Variants in ULK4 observed in about 807,000 individuals in gnomAD.
ULK4 encodes the protein unc-51 like kinase 4, also known as inactive serine/threonine-protein kinase ULK4.
ULK4 carries 133 observed loss-of-function variants against 160.6 expected under a neutral mutation model. That is an observed-to-expected ratio of 0.83 (90% CI 0.72 to 0.96). The LOEUF is 0.96. ULK4 is among the 40% of genes least tolerant of loss of function. The pLI is 0.00. For missense variants in ULK4, 1,580 were observed against 1,499.5 expected, an observed-to-expected ratio of 1.05 and a Z score of -0.89; for synonymous variants, 534 against 539.8, an observed-to-expected ratio of 0.99 and a Z score of 0.15.
intron 31 of ULK4, among the ~76,000 whole-genome samples, chr3:41,580,539 ACT>A (rs1327047537): frequency 6.6e-6 from 1 of 152,098 alleles, no homozygotes; most frequent in Admixed American, 6.5e-5. Context: ...AACAGCAACG[ACT>A]CTGAACCACG....
intron 5 of ULK4, among the ~76,000 whole-genome samples, chr3:41,931,514 A>G (rs959177096): frequency 3.6e-4 from 55 of 151,520 alleles, no homozygotes; most frequent in Admixed American, 1.2e-3. Context: ...CAACTGCAGA[A>G]TATCATTCAC....
At chr3:41,609,961 G>A (rs1328829268) in intron 31 of ULK4, among the ~76,000 whole-genome samples, 1 of 149,414 alleles carries the variant, frequency 6.7e-6, no homozygotes, top group East Asian at 2.0e-4. Flanking sequence ...GTGACAGAGT[G>A]AGACCTCATC....
At chr3:41,648,450 T>C (rs999704188) in intron 30 of ULK4, among the ~76,000 whole-genome samples, 1 of 152,194 alleles carries the variant, frequency 6.6e-6, no homozygotes, top group Non-Finnish European at 1.5e-5. Flanking sequence ...CTTAGGACAA[T>C]GTTAGTCATT....
intron 32 of ULK4, among the ~76,000 whole-genome samples, chr3:41,470,719 T>C (rs1489272523): frequency 1.3e-5 from 2 of 152,024 alleles, no homozygotes; most frequent in East Asian, 1.9e-4. Flanking sequence ...AAACATAAAA[T>C]GAAGGGCAAT....
intron 35 of ULK4, among the ~76,000 whole-genome samples, chr3:41,307,707 A>G (rs914582674): frequency 1.4e-4 from 22 of 152,268 alleles, no homozygotes; most frequent in African/African-American, 5.1e-4. Flanking sequence ...GCAAGAGCCT[A>G]TAGTCCTAGC....
At chr3:41,348,206 CAAAAAAAAAAAAA>C (rs1197234650) in intron 35 of ULK4, among the ~76,000 whole-genome samples, 4 of 22,958 alleles carry the variant, frequency 1.7e-4, no homozygotes, top group Non-Finnish European at 2.6e-4. Flanking sequence ...AACTCTGTCT[CAAAAAAAAAAAAA>C]AAAAAAAAAA....
At position 41,826,257 on chromosome 3, in the gene ULK4, G is replaced by A. The variant is rs1027373779; in HGVS notation, c.1765-6751C>T. ...AGGAAGAAACTGAATCAACTAACGA[G>A]CAAAATAACCAGCTAACATCATAAT... On this transcript the variant is annotated intron_variant, in intron 18 of 36. Transcript: ENST00000301831. 2.3e-4 allele frequency among the ~76,000 whole-genome samples: 35 copies of A among 152,078 alleles called. 3 individuals are homozygous for A. Among genetic ancestry groups the A allele is most frequent in the Non-Finnish European group, 2.9e-5 (2 of 68,026 alleles).
intron 29 of ULK4, among the ~76,000 whole-genome samples, chr3:41,679,238 G>A (rs952313696): frequency 6.6e-6 from 1 of 152,120 alleles, no homozygotes; most frequent in African/African-American, 2.4e-5. Context: ...CAGTCACGGT[G>A]CTAAACACTT....
At position 41,754,487 on chromosome 3, in the gene ULK4, C is replaced by T. The variant is rs553601733; in HGVS notation, c.2195G>A (p.Gly732Asp). The T allele has an allele frequency of 3.7e-6, 6 of 1,608,954 alleles. No homozygotes were observed. Among genetic ancestry groups the T allele is most frequent in the African/African-American group, 1.3e-5 (1 of 74,546 alleles). The change falls in exon 22 of 37, where the codon GGT (glycine) becomes GAT (aspartate). Residue 732 changes from glycine (G) to aspartate (D), a missense_variant and splice_region_variant. Coordinates refer to ENST00000301831, the MANE Select transcript of ULK4 (RefSeq NM_017886.4). Reference protein sequence around the residue: ...IHLQRLIQEKGFVSTIIRLLD... With the variant: ...IHLQRLIQEKDFVSTIIRLLD... ...TAAACGGATAATTGTGGAGACAAAA[C>T]CCTGTAGAAGACATTTAAACAATTT...
chr3:41,265,960 C>T (rs1448886315), intron 35 of ULK4, among the ~76,000 whole-genome samples: 1 of 152,168 alleles, frequency 6.6e-6, no homozygotes, highest in Non-Finnish European at 1.5e-5. Flanking sequence ...GGTCCACACA[C>T]CCCCTGCTCT....
chr3:41,658,758 C>CACAT lies in ULK4; in HGVS notation c.3071+4848_3071+4849insATGT, dbSNP rs1293922594. Reference sequence around the variant, plus strand: ...ACACACACACACACACACACACACACATATATACTGGCAGCAGTGGTTCTC... The same window carrying CACAT: ...ACACACACACACACACACACACACACACATATATATACTGGCAGCAGTGGTTCTC... On this transcript the variant is annotated intron_variant, in intron 30 of 36. Coordinates refer to ENST00000301831, the MANE Select transcript of ULK4 (RefSeq NM_017886.4). Among the ~76,000 whole-genome samples the CACAT allele has an allele frequency of 8.6e-5, 13 of 151,610 alleles. No individual in the cohort carries two copies. In the East Asian group the frequency reaches 1.9e-3, roughly 23 times the overall value.
At chr3:41,537,784 G>A (rs1479735764) in intron 32 of ULK4, among the ~76,000 whole-genome samples, 1 of 152,124 alleles carries the variant, frequency 6.6e-6, no homozygotes, top group African/African-American at 2.4e-5. Context: ...AGGCTTAGGG[G>A]TTAGCAGTTT....
At chr3:41,721,242 T>C (rs1338760068) in intron 22 of ULK4, among the ~76,000 whole-genome samples, 1 of 124,276 alleles carries the variant, frequency 8.0e-6, no homozygotes, top group Non-Finnish European at 1.6e-5. Flanking sequence ...AGATGAGAAA[T>C]TTTTCGCTTT....
rs562997007 is a variant in ULK4 at position 41,761,438 on chromosome 3, A to G, written c.2194-6950T>C. Among the ~76,000 whole-genome samples, 5 of 150,216 alleles carry G rather than the reference A, an allele frequency of 3.3e-5. No homozygotes were observed. The South Asian group carries it at 1.0e-3, about 31-fold the overall frequency. Reference sequence around the variant, plus strand: ...TATTATCTACCATTCACAACAATGTATAACAGCAATGATTATAGTAATGAG... The same window carrying G: ...TATTATCTACCATTCACAACAATGTGTAACAGCAATGATTATAGTAATGAG... On this transcript the variant is annotated intron_variant, in intron 21 of 36. Transcript: ENST00000301831.
intron 32 of ULK4, among the ~76,000 whole-genome samples, chr3:41,562,423 C>A (rs1191161106): frequency 1.3e-5 from 2 of 152,040 alleles, no homozygotes; most frequent in African/African-American, 4.8e-5. Context: ...CCTTGTTAAC[C>A]TTCTGCTTTG....
chr3:41,340,732 C>A (rs1185685684), intron 35 of ULK4, among the ~76,000 whole-genome samples: 1 of 152,178 alleles, frequency 6.6e-6, no homozygotes, highest in Non-Finnish European at 1.5e-5. Flanking sequence ...GAGTACTGAA[C>A]TAGACGATCT....
chr3:41,761,326 A>G (rs978368843), intron 21 of ULK4, among the ~76,000 whole-genome samples: 1 of 148,450 alleles, frequency 6.7e-6, no homozygotes, highest in African/African-American at 2.5e-5. Flanking sequence ...ATACTATGTT[A>G]TGTTATATAT....
chr3:41,891,723 C>A (rs1462827636), intron 16 of ULK4, among the ~76,000 whole-genome samples: 1 of 151,986 alleles, frequency 6.6e-6, no homozygotes, highest in Non-Finnish European at 1.5e-5. Flanking sequence ...CTGGCCAACA[C>A]GGTAAAACCT....
chr3:41,296,221 T>A (rs757530027), intron 35 of ULK4, among the ~76,000 whole-genome samples: 2 of 152,176 alleles, frequency 1.3e-5, no homozygotes, highest in Non-Finnish European at 2.9e-5. Flanking sequence ...AGAAAGTATA[T>A]GGGAAATCTC....
Sources: allele counts gnomAD v4.1 joint callset (sites outside exome capture counted in the v4.1 genomes callset), GRCh38; gene constraint gnomAD v4.1.1; transcripts MANE v1.5; gene names NCBI Gene and HGNC (gene_info 2026-07-23, HGNC 2026-07-21).